Variants in RIT2 observed in about 807,000 individuals in gnomAD.
The protein encoded by RIT2 is GTP-binding protein Rit2.
Under a neutral mutation model 23.7 loss-of-function variants are expected in RIT2, and 24 were observed. The observed-to-expected ratio is 1.01, with a 90% CI of 0.73 to 1.43. The LOEUF is 1.43. RIT2 is among the 40% of genes most tolerant of loss of function. The pLI is 0.00. For synonymous variants in RIT2, 107 were observed against 91.1 expected (o/e 1.17, Z -0.99); for missense variants, 236 against 266.9 (o/e 0.88, Z 0.81).
chr18:43,074,570 A>G (rs1176553749), intron 1 of RIT2, among the ~76,000 whole-genome samples: 1 of 152,136 alleles, frequency 6.6e-6, no homozygotes, highest in African/African-American at 2.4e-5. Context: ...TGTATGCCTT[A>G]TGACTTTTTT....
chr18:42,828,323 G>C (rs1022020493), intron 4 of RIT2, among the ~76,000 whole-genome samples: 13 of 152,148 alleles, frequency 8.5e-5, no homozygotes, highest in African/African-American at 3.1e-4. Context: ...CCTCATAGTT[G>C]AGTAACAATA....
intron 3 of RIT2, 79 bp downstream of exon 3, chr18:42,973,995 T>C: frequency 1.1e-6 from 1 of 884,962 alleles, no homozygotes; most frequent in Non-Finnish European, 1.8e-6. Flanking sequence ...AAAGTCATCT[T>C]CTCCTTTGTT....
intron 4 of RIT2, among the ~76,000 whole-genome samples, chr18:42,877,750 C>G (rs1907781342): frequency 6.6e-6 from 1 of 151,662 alleles, no homozygotes; most frequent in Admixed American, 6.6e-5. Context: ...CCGACCTTAT[C>G]TGACGAGTTG....
intron 4 of RIT2, among the ~76,000 whole-genome samples, chr18:42,915,151 TACACAC>T (rs71918963): frequency 0.017 from 2,536 of 145,388 alleles, 53 homozygotes; most frequent in African/African-American, 0.053. Flanking sequence ...CATATAATTA[TACACAC>T]ACACACACAC....
At chr18:43,073,831 G>GA (rs1598771897) in intron 1 of RIT2, among the ~76,000 whole-genome samples, 1 of 152,068 alleles carries the variant, frequency 6.6e-6, no homozygotes, top group African/African-American at 2.4e-5. Context: ...TTGTGCATAA[G>GA]AAAAAAATTA....
intron 2 of RIT2, 124 bp from the exon 3 acceptor site, chr18:42,974,271 C>T (rs76145499): frequency 5.6e-5 from 34 of 605,904 alleles, no homozygotes; most frequent in East Asian, 2.4e-4. Context: ...CCTCAAATAA[C>T]GTATATAGAT....
At chr18:42,749,143 A>C (rs1222372537) in intron 4 of RIT2, among the ~76,000 whole-genome samples, 1 of 151,964 alleles carries the variant, frequency 6.6e-6, no homozygotes, top group Non-Finnish European at 1.5e-5. Context: ...ATAGTCCAAA[A>C]TAAATGAAAT....
chr18:42,961,351 G>T (rs1009384492), intron 3 of RIT2, among the ~76,000 whole-genome samples: 4 of 152,144 alleles, frequency 2.6e-5, no homozygotes, highest in Admixed American at 6.5e-5. Flanking sequence ...ACAAAGATTG[G>T]ACAGCAAAGC....
intron 2 of RIT2, among the ~76,000 whole-genome samples, chr18:43,009,248 A>T (rs918269718): frequency 9.7e-4 from 146 of 151,042 alleles, no homozygotes; most frequent in African/African-American, 3.3e-3. Flanking sequence ...ACTTTTTTTT[A>T]AAATTTAAAT....
intron 4 of RIT2, among the ~76,000 whole-genome samples, chr18:42,779,171 CCCCTGACCT>C (rs1194416697): frequency 6.6e-6 from 1 of 152,146 alleles, no homozygotes; most frequent in Non-Finnish European, 1.5e-5. Flanking sequence ...TGCCTAGAGA[CCCCTGACCT>C]CCCTTTACTT....
At chr18:43,089,969 C>A (rs1450692607) in intron 1 of RIT2, among the ~76,000 whole-genome samples, 1 of 151,874 alleles carries the variant, frequency 6.6e-6, no homozygotes, top group Non-Finnish European at 1.5e-5. Context: ...TATCCTGGAC[C>A]TAGGAATGGG....
chr18:42,804,421 G>A (rs1356070242), intron 4 of RIT2, among the ~76,000 whole-genome samples: 1 of 151,996 alleles, frequency 6.6e-6, no homozygotes, highest in East Asian at 1.9e-4. Flanking sequence ...TAGGCATGTT[G>A]GTGAGCACCT....
chr18:42,797,744 T>A (rs1905410117), intron 4 of RIT2, among the ~76,000 whole-genome samples: 2 of 152,126 alleles, frequency 1.3e-5, no homozygotes, highest in Non-Finnish European at 2.9e-5. Flanking sequence ...TGAGCTGAAT[T>A]TACATGGATA....
chr18:42,754,309 T>C (rs1051080480), intron 4 of RIT2, among the ~76,000 whole-genome samples: 7 of 152,192 alleles, frequency 4.6e-5, no homozygotes, highest in African/African-American at 1.7e-4. Flanking sequence ...TCCACCTGGG[T>C]TCTTAGACTG....
chr18:42,912,375 G>A (rs947762031), intron 4 of RIT2, among the ~76,000 whole-genome samples: 9 of 151,848 alleles, frequency 5.9e-5, no homozygotes, highest in African/African-American at 1.9e-4. Flanking sequence ...ACAAGGCAAA[G>A]ATGTCTTTCC....
intron 4 of RIT2, among the ~76,000 whole-genome samples, chr18:42,774,202 G>A (rs1913613622): frequency 6.6e-6 from 1 of 152,100 alleles, no homozygotes; most frequent in Admixed American, 6.5e-5. Context: ...TGCAAGACTA[G>A]TATTATTTTA....
At chr18:42,800,684 C>A (rs936040716) in intron 4 of RIT2, among the ~76,000 whole-genome samples, 1 of 152,062 alleles carries the variant, frequency 6.6e-6, no homozygotes, top group Non-Finnish European at 1.5e-5. Flanking sequence ...CACCCGCCCC[C>A]ACGCCCAGCT....
chr18:43,110,539 T>C (rs182129451), intron 1 of RIT2, among the ~76,000 whole-genome samples: 18 of 152,266 alleles, frequency 1.2e-4, no homozygotes, highest in African/African-American at 4.1e-4. Context: ...TTAGGCTCCA[T>C]AAAACTTTAA....
intron 4 of RIT2, among the ~76,000 whole-genome samples, chr18:42,757,398 A>G (rs1261546002): frequency 1.3e-5 from 2 of 152,172 alleles, no homozygotes; most frequent in Non-Finnish European, 2.9e-5. Context: ...GATGAAGCCT[A>G]TAGGAAAGCT....
Sources: allele counts gnomAD v4.1 joint callset (sites outside exome capture counted in the v4.1 genomes callset), GRCh38; gene constraint gnomAD v4.1.1; transcripts MANE v1.5; gene names NCBI Gene and HGNC (gene_info 2026-07-23, HGNC 2026-07-21).